AKAP10: variants seen among roughly 807,000 people sequenced by gnomAD.
AKAP10 encodes A-kinase anchoring protein 10, also known as A-kinase anchor protein 10, mitochondrial.
A neutral mutation model predicts 80.8 loss-of-function variants in AKAP10; 24 were observed. That is an observed-to-expected ratio of 0.30 (90% CI 0.22 to 0.42). The LOEUF is 0.42. AKAP10 is among the 10% of genes least tolerant of loss of function. AKAP10 has a pLI of 1.00. For synonymous variants in AKAP10, 291 were observed against 277.7 expected, an observed-to-expected ratio of 1.05 and a Z score of -0.48; for missense variants, 661 against 794.9, an observed-to-expected ratio of 0.83 and a Z score of 2.03.
At chr17:19,947,603 C>A in intron 4 of AKAP10, 98 bp from the exon 5 acceptor site, 3 of 840,964 alleles carry the variant, frequency 3.6e-6, no homozygotes, top group Admixed American at 2.1e-5. Context: ...ACTGTGAGTT[C>A]CTATTGCAAA....
chr17:19,924,343 TA>T, intron 11 of AKAP10, 64 bp downstream of exon 11: 3 of 1,155,538 alleles, frequency 2.6e-6, no homozygotes, highest in Non-Finnish European at 3.6e-6. Flanking sequence ...AAAATTTAAT[TA>T]AAAAATTTAA....
intron 3 of AKAP10, among the ~76,000 whole-genome samples, chr17:19,961,554 T>C (rs1394786966): frequency 1.3e-5 from 2 of 152,088 alleles, no homozygotes; most frequent in East Asian, 3.9e-4. Context: ...TACACAAAAG[T>C]AGAGAGAGAT....
intron 5 of AKAP10, among the ~76,000 whole-genome samples, chr17:19,946,970 C>T (rs2152415755): frequency 6.6e-6 from 1 of 152,312 alleles, no homozygotes; most frequent in South Asian, 2.1e-4. Context: ...CAGTTGCCCA[C>T]TGGTCGTGAG....
At chr17:19,934,741 G>A (rs150515799) in intron 9 of AKAP10, among the ~76,000 whole-genome samples, 8 of 152,288 alleles carry the variant, frequency 5.3e-5, no homozygotes, top group African/African-American at 1.9e-4. Context: ...GCCCAGGCAT[G>A]GTAGCTCATG....
At chr17:19,970,120 C>T (rs571076072) in intron 1 of AKAP10, among the ~76,000 whole-genome samples, 1 of 152,178 alleles carries the variant, frequency 6.6e-6, no homozygotes, top group Non-Finnish European at 1.5e-5. Flanking sequence ...TGCCATCTTC[C>T]ATAATTCCAC....
chr17:19,932,830 T>C (rs1244607455), intron 9 of AKAP10, among the ~76,000 whole-genome samples: 1 of 152,118 alleles, frequency 6.6e-6, no homozygotes, highest in Non-Finnish European at 1.5e-5. Flanking sequence ...AAATGCCTAA[T>C]TGTACATAGA....
chr17:19,962,942 T>A lies in AKAP10; in HGVS notation c.217A>T (p.Ile73Phe). The change falls in exon 3 of 15, where the codon ATC becomes TTC. Residue 73 changes from isoleucine to phenylalanine, a missense_variant. By Grantham distance (21) the Ile-to-Phe change is conservative. Transcript: ENST00000225737. ...TCCATGTTGGCAGAAATGGCATTGA[T>A]TGCAACATGACTTGGTCCTGCAGCC... ...LEAAGPSHVA[I>F]NAISANMDSF... is the part of the protein sequence containing the mutation. 6.2e-7 allele frequency: 1 copy of A among 1,614,128 alleles called. No individual in the cohort carries two copies. Among genetic ancestry groups the A allele is most frequent in the Non-Finnish European group, 8.5e-7 (1 of 1,180,000 alleles).
chr17:19,938,658 C>G (rs932081520), intron 8 of AKAP10, among the ~76,000 whole-genome samples: 4 of 152,138 alleles, frequency 2.6e-5, no homozygotes, highest in African/African-American at 9.7e-5. Context: ...ACCCTAACAT[C>G]TGTGGACTTT....
chr17:19,967,163 A>G (rs2043430550), intron 2 of AKAP10, among the ~76,000 whole-genome samples: 1 of 152,204 alleles, frequency 6.6e-6, no homozygotes, highest in African/African-American at 2.4e-5. Flanking sequence ...ATTAATATGT[A>G]ATGACTATGG....
At chr17:19,972,636 T>C (rs1225307411) in intron 1 of AKAP10, among the ~76,000 whole-genome samples, 1 of 152,124 alleles carries the variant, frequency 6.6e-6, no homozygotes, top group Admixed American at 6.5e-5. Flanking sequence ...TTTGTATTTT[T>C]AGTAGAGACG....
intron 2 of AKAP10, among the ~76,000 whole-genome samples, chr17:19,964,812 G>A (rs1271402301): frequency 6.6e-6 from 1 of 152,192 alleles, no homozygotes; most frequent in South Asian, 2.1e-4. Context: ...AGAATCACTC[G>A]AACCCGAGAG....
chr17:19,915,094 T>C (rs948065644), intron 12 of AKAP10, among the ~76,000 whole-genome samples: 1 of 152,200 alleles, frequency 6.6e-6, no homozygotes, highest in African/African-American at 2.4e-5. Context: ...GGCACCTCTT[T>C]CTTCTCATCT....
At position 19,906,205 on chromosome 17, in the gene AKAP10, T is replaced by C. The variant is rs766099873; in HGVS notation, c.*22A>G. The C allele has an allele frequency of 3.2e-5, 52 of 1,605,894 alleles. No homozygotes were observed. The highest frequency in any genetic ancestry group is 4.3e-5 in the Non-Finnish European group (51 of 1,175,840). ...GTTCTCTTATTTTTCACAAGCAGAT[T>C]TCCTTTATCTCAAGTTTTGAGTCAT... On this transcript the variant is annotated 3_prime_UTR_variant, in exon 15 of 15. Coordinates refer to ENST00000225737, the MANE Select transcript of AKAP10 (RefSeq NM_007202.4).
chr17:19,974,478 G>A lies in AKAP10; in HGVS notation c.88+3114C>T, dbSNP rs538301452. Among the ~76,000 whole-genome samples, 30 of 152,002 alleles carry A rather than the reference G, an allele frequency of 2.0e-4. 1 individual carries two copies. Among genetic ancestry groups the A allele is most frequent in the Admixed American group, 2.0e-3 (30 of 15,244 alleles). On this transcript the variant is annotated intron_variant, in intron 1 of 14. Transcript: ENST00000225737. ...TCAAGACAATTCTTCTTCCAATGTG[G>A]CCTAGGGAAGCCAAAAGACTGGACA...
intron 4 of AKAP10, among the ~76,000 whole-genome samples, chr17:19,951,287 C>T (rs2043210087): frequency 7.1e-6 from 1 of 141,030 alleles, no homozygotes; most frequent in Non-Finnish European, 1.6e-5. Flanking sequence ...TGGGGGGCGC[C>T]TCCGCCCGGC....
intron 1 of AKAP10, among the ~76,000 whole-genome samples, chr17:19,973,015 C>T (rs777417615): frequency 5.3e-5 from 8 of 151,376 alleles, no homozygotes; most frequent in Non-Finnish European, 7.4e-5. Context: ...TTTAAGACTC[C>T]GTCACCCTGG....
chr17:19,958,162 G>A lies in AKAP10; in HGVS notation c.729C>T (p.Asp243=), dbSNP rs772935746. Residue 243 remains aspartate (D), a synonymous_variant, in exon 4 of 15, where the codon GAC becomes GAT. Transcript: ENST00000225737. The part of the protein sequence containing the change: ...QNHLLLSQEC[D]SAHSLRLEMA... ...TTTCAAGACGGAGAGAATGGGCACT[G>A]TCACATTCCTGGGAAAGCAGCAAGT... 1.2e-6 allele frequency: 2 copies of A among 1,614,050 alleles called. No individual in the cohort carries two copies. The highest frequency in any genetic ancestry group is 1.7e-6 in the Non-Finnish European group (2 of 1,180,052).
intron 4 of AKAP10, among the ~76,000 whole-genome samples, chr17:19,949,636 C>T (rs1250110837): frequency 2.6e-5 from 4 of 151,882 alleles, no homozygotes; most frequent in African/African-American, 4.8e-5. Flanking sequence ...GGCATGGTGG[C>T]GCGCACCTGT....
intron 9 of AKAP10, among the ~76,000 whole-genome samples, chr17:19,933,014 T>G (rs937807499): frequency 4.6e-5 from 7 of 152,102 alleles, no homozygotes; most frequent in Non-Finnish European, 1.0e-4. Flanking sequence ...TACGTGCCTT[T>G]GTTGTTTGTT....
Sources: gnomAD v4.1 joint callset for allele counts (sites outside exome capture counted in the v4.1 genomes callset) on GRCh38, gnomAD v4.1.1 for gene constraint, MANE v1.5 for transcripts, NCBI Gene and HGNC (gene_info 2026-07-23, HGNC 2026-07-21) for gene names.